APBA2: variants seen among roughly 807,000 people sequenced by gnomAD.
APBA2 encodes the protein amyloid beta precursor protein binding family A member 2, also known as amyloid-beta A4 precursor protein-binding family A member 2.
APBA2 carries 30 observed loss-of-function variants against 75.0 expected under a neutral mutation model. The observed-to-expected ratio is 0.40, with a 90% CI of 0.30 to 0.54. The LOEUF is 0.54. Among genes scored for constraint, APBA2 ranks in the 20% least tolerant of loss-of-function variants. APBA2 has a pLI of 0.49. For missense variants in APBA2, 801 were observed against 1,016.1 expected (o/e 0.79, Z 2.88); for synonymous variants, 444 against 409.6 (o/e 1.08, Z -1.01).
chr15:28,907,605 C>T (rs927727611), intron 1 of APBA2, among the ~76,000 whole-genome samples: 4 of 152,212 alleles, frequency 2.6e-5, no homozygotes, highest in Non-Finnish European at 5.9e-5. Context: ...TGCGGTGTCT[C>T]TGCACCTAAG....
chr15:28,904,806 C>T (rs1444862855), intron 1 of APBA2, among the ~76,000 whole-genome samples: 3 of 152,204 alleles, frequency 2.0e-5, no homozygotes, highest in African/African-American at 4.8e-5. Context: ...AAATCAAGAA[C>T]GTGTGGGGAA....
chr15:29,090,180 A>AG (rs2043492026), intron 6 of APBA2, among the ~76,000 whole-genome samples: 1 of 152,204 alleles, frequency 6.6e-6, no homozygotes, highest in Non-Finnish European at 1.5e-5. Context: ...CAGGCATGGA[A>AG]GGCCCCCAGG....
intron 3 of APBA2, among the ~76,000 whole-genome samples, chr15:29,045,166 C>A (rs2041258353): frequency 6.6e-6 from 1 of 150,684 alleles, no homozygotes; most frequent in African/African-American, 2.4e-5. Flanking sequence ...CAACCTCCGC[C>A]TCCCAGGTTC....
intron 3 of APBA2, among the ~76,000 whole-genome samples, chr15:29,012,735 A>G (rs1309842432): frequency 6.6e-6 from 1 of 152,150 alleles, no homozygotes; most frequent in Non-Finnish European, 1.5e-5. Flanking sequence ...TCTGTGTTTC[A>G]ACTCTACCAA....
chr15:29,116,399 G>A lies in APBA2; in HGVS notation c.2179-663G>A, dbSNP rs190831441. Among the ~76,000 whole-genome samples the A allele has an allele frequency of 3.3e-5, 5 of 152,202 alleles. No individual in the cohort carries two copies. In the East Asian group the frequency reaches 7.8e-4, roughly 24 times the overall value. ...CCCAGCACTTTGGGAGGCCGAGGCG[G>A]GCGTATCACGAGGTCGGGAGATTGA... is the stretch of plus-strand genomic sequence containing the variant. On this transcript the variant is annotated intron_variant, in intron 14 of 14. Transcript: ENST00000683413.
intron 6 of APBA2, among the ~76,000 whole-genome samples, chr15:29,089,100 T>C (rs1037033394): frequency 2.0e-5 from 3 of 152,226 alleles, no homozygotes; most frequent in African/African-American, 7.2e-5. Context: ...GCATTCACCA[T>C]GGCCCATCCT....
At position 29,054,925 on chromosome 15, in the gene APBA2, C is replaced by A. The variant is rs369466842; in HGVS notation, c.951+90C>A. 5.9e-5 allele frequency: 76 copies of A among 1,293,346 alleles called. No individual in the cohort carries two copies. In the East Asian group the frequency reaches 1.7e-3, roughly 29 times the overall value. The allele number at this position is 1,293,346 out of a possible 1,614,324, so 80.1% of individuals were successfully genotyped here. Reference sequence around the variant, plus strand: ...AGGCCTTGCAGATGCTGAAGCGAGGCGGTGGGGGGTGCTGGGTGCCTCACA... The same window carrying A: ...AGGCCTTGCAGATGCTGAAGCGAGGAGGTGGGGGGTGCTGGGTGCCTCACA... On this transcript the variant is annotated intron_variant, in intron 4 of 14. Transcript: ENST00000683413. The surrounding 1 kb of genome is among the most constrained non-coding windows in gnomAD (Gnocchi z 6.1).
chr15:29,006,320 G>C (rs2039114008), intron 3 of APBA2, among the ~76,000 whole-genome samples: 1 of 152,034 alleles, frequency 6.6e-6, no homozygotes, highest in Non-Finnish European at 1.5e-5. Flanking sequence ...ATCTGGAAGG[G>C]GAGTTAAGAA....
chr15:29,098,116 G>C (rs1340701039), intron 8 of APBA2, among the ~76,000 whole-genome samples: 1 of 152,218 alleles, frequency 6.6e-6, no homozygotes, highest in African/African-American at 2.4e-5. Context: ...GAGCATGGGA[G>C]TGCAGGTGTC....
chr15:28,909,405 C>A (rs1270842243), intron 1 of APBA2, among the ~76,000 whole-genome samples: 1 of 152,202 alleles, frequency 6.6e-6, no homozygotes, highest in Admixed American at 6.5e-5. Context: ...GCGTGACGCC[C>A]TCAAGGCCCA....
chr15:29,097,062 C>G (rs974747722), intron 8 of APBA2, among the ~76,000 whole-genome samples: 11 of 152,228 alleles, frequency 7.2e-5, no homozygotes, highest in African/African-American at 2.7e-4. Flanking sequence ...CCTCTCTTGG[C>G]TTCTCTCTGT....
At chr15:29,115,189 G>A (rs2045017028) in intron 14 of APBA2, among the ~76,000 whole-genome samples, 1 of 150,130 alleles carries the variant, frequency 6.7e-6, no homozygotes, top group South Asian at 2.1e-4. Context: ...CGGGCCGTCT[G>A]TGGTGCTCCC....
In APBA2 at chr15:29,000,510, G is replaced by C. The variant is rs147487806; in HGVS notation, c.-41+4704G>C. 6.6e-3 allele frequency among the ~76,000 whole-genome samples: 1,005 copies of C among 152,316 alleles called. 13 individuals are homozygous for C. The highest frequency in any genetic ancestry group is 0.023 in the African/African-American group (959 of 41,576). ...GCAGCCGTCTTGCTCCCGTCTTGCT[G>C]GTTCATCCTCCACCTTGGCTGACTA... On this transcript the variant is annotated intron_variant, in intron 3 of 14. Transcript: ENST00000683413.
At chr15:29,034,951 A>G (rs2040671104) in intron 3 of APBA2, among the ~76,000 whole-genome samples, 1 of 152,240 alleles carries the variant, frequency 6.6e-6, no homozygotes, top group Admixed American at 6.5e-5. Context: ...TTTTTACATT[A>G]CAATGACAGA....
At chr15:28,920,011 CATTTATCTTCCTTCTTT>C in intron 1 of APBA2, among the ~76,000 whole-genome samples, 1 of 152,190 alleles carries the variant, frequency 6.6e-6, no homozygotes, top group African/African-American at 2.4e-5. Flanking sequence ...CATTTGCTTT[CATTTATCTTCCTTCTTT>C]AAGGCTGCTT....
At chr15:29,107,522 C>G (rs752862265) in intron 12 of APBA2, among the ~76,000 whole-genome samples, 3 of 152,164 alleles carry the variant, frequency 2.0e-5, no homozygotes, top group East Asian at 1.9e-4. Context: ...CCTCTTTGTT[C>G]GGCATGAGAG....
At chr15:29,077,911 C>T (rs984501923) in intron 6 of APBA2, among the ~76,000 whole-genome samples, 1 of 152,158 alleles carries the variant, frequency 6.6e-6, no homozygotes, top group Non-Finnish European at 1.5e-5. Flanking sequence ...AAAAGTTTCT[C>T]CAAATTAAAC....
At chr15:28,936,093 GA>G (rs1389757440) in intron 2 of APBA2, among the ~76,000 whole-genome samples, 1 of 152,220 alleles carries the variant, frequency 6.6e-6, no homozygotes, top group Non-Finnish European at 1.5e-5. Context: ...CAATCTAGTA[GA>G]AAATAGACGC....
At chr15:29,009,765 C>T (rs150200036) in intron 3 of APBA2, among the ~76,000 whole-genome samples, 134 of 152,284 alleles carry the variant, frequency 8.8e-4, no homozygotes, top group Admixed American at 9.8e-4. Flanking sequence ...TTCATTGACT[C>T]ACTGTTACAG....
Sources: allele counts gnomAD v4.1 joint callset (sites outside exome capture counted in the v4.1 genomes callset), GRCh38; gene constraint gnomAD v4.1.1; non-coding constraint Gnocchi (gnomAD v3.1); transcripts MANE v1.5; gene names NCBI Gene and HGNC (gene_info 2026-07-23, HGNC 2026-07-21).